NEK10: variants seen among roughly 807,000 people sequenced by gnomAD.
NEK10 encodes NIMA related kinase 10.
A neutral mutation model predicts 159.8 loss-of-function variants in NEK10; 122 were observed. That is an observed-to-expected ratio of 0.76 (90% CI 0.66 to 0.89). The LOEUF (loss-of-function observed/expected upper bound fraction) is 0.89. Among genes scored for constraint, NEK10 ranks in the 40% least tolerant of loss-of-function variants. The probability of loss-of-function intolerance (pLI) is 0.00; values close to 1 mark genes in which losing one functional copy is unlikely to be tolerated. For missense variants in NEK10, 1,342 were observed against 1,323.1 expected (o/e 1.01, Z -0.22); for synonymous variants, 466 against 457.1 (o/e 1.02, Z -0.25).
chr3:27,159,138 T>C (rs1575047107), intron 30 of NEK10, among the ~76,000 whole-genome samples: 1 of 152,266 alleles, frequency 6.6e-6, no homozygotes, highest in East Asian at 1.9e-4. Context: ...CCTTTTACAG[T>C]TTTCTTTCTG....
intron 22 of NEK10, among the ~76,000 whole-genome samples, chr3:27,268,983 G>A (rs1334422258): frequency 6.6e-6 from 1 of 152,168 alleles, no homozygotes; most frequent in Non-Finnish European, 1.5e-5. Flanking sequence ...TGACTTTGAA[G>A]GGTTCAAGAT....
At chr3:27,200,631 T>C (rs1949963489) in intron 25 of NEK10, among the ~76,000 whole-genome samples, 1 of 152,210 alleles carries the variant, frequency 6.6e-6, no homozygotes, top group Non-Finnish European at 1.5e-5. Context: ...AGTTTCCATT[T>C]TGGTGGGGAA....
At chr3:27,316,682 T>C (rs1297822973) in intron 6 of NEK10, among the ~76,000 whole-genome samples, 1 of 152,162 alleles carries the variant, frequency 6.6e-6, no homozygotes, top group Non-Finnish European at 1.5e-5. Context: ...TATTCAATAA[T>C]TTTGATGATA....
At chr3:27,331,237 C>CAAAAAAAAAAAAACA (rs1553638955) in intron 5 of NEK10, among the ~76,000 whole-genome samples, 901 of 29,530 alleles carry the variant, frequency 0.031, 30 homozygotes, top group African/African-American at 0.051. Context: ...GACTCTGTCT[C>CAAAAAAAAAAAAACA]AAAAAAAAAA....
At position 27,128,426 on chromosome 3, in the gene NEK10, G is replaced by A. The variant is rs149435786; in HGVS notation, c.3081+3454C>T. Among the ~76,000 whole-genome samples the A allele has an allele frequency of 3.7e-3, 566 of 152,162 alleles. 1 individual carries two copies. Among genetic ancestry groups the A allele is most frequent in the African/African-American group, 0.013 (531 of 41,514 alleles). ...ATCTAGGTGCTATCATTTAAACAGG[G>A]ACTGCAAAACAGGAATATTCTTTAT... On this transcript the variant is annotated intron_variant, in intron 32 of 35. Coordinates refer to ENST00000691995, the MANE Select transcript of NEK10 (RefSeq NM_001394966.1).
rs190422747 is a variant in NEK10 at position 27,256,901 on chromosome 3, C to A, written c.2015-530G>T. 2.7e-5 allele frequency among the ~76,000 whole-genome samples: 4 copies of A among 145,686 alleles called. No individual in the cohort carries two copies. The Admixed American group carries it at 2.8e-4, about 10-fold the overall frequency. Reference sequence around the variant, plus strand: ...TTTCAAAATATCTTCAGGTACTTCTCTTTTTTCTCTCTTTTTTTTTTTTTT... The same window carrying A: ...TTTCAAAATATCTTCAGGTACTTCTATTTTTTCTCTCTTTTTTTTTTTTTT... On this transcript the variant is annotated intron_variant, in intron 22 of 35. Coordinates refer to ENST00000691995, the MANE Select transcript of NEK10 (RefSeq NM_001394966.1).
chr3:27,223,601 T>C (rs925250098), intron 23 of NEK10, among the ~76,000 whole-genome samples: 4 of 152,026 alleles, frequency 2.6e-5, no homozygotes, highest in Non-Finnish European at 5.9e-5. Context: ...TTTCTTCTAG[T>C]TTTTTTTCTT....
intron 32 of NEK10, among the ~76,000 whole-genome samples, chr3:27,129,715 G>C (rs1942390196): frequency 6.6e-6 from 1 of 151,940 alleles, no homozygotes; most frequent in Non-Finnish European, 1.5e-5. Flanking sequence ...CACATGCCAG[G>C]CACTGTGCAA....
chr3:27,269,348 G>C (rs1222769183), intron 22 of NEK10, among the ~76,000 whole-genome samples: 2 of 152,164 alleles, frequency 1.3e-5, no homozygotes, highest in Non-Finnish European at 1.5e-5. Context: ...TTTGTGAAAA[G>C]AAGAGACAAT....
intron 11 of NEK10, 30 bp from the exon 12 acceptor site, chr3:27,305,001 A>C: frequency 7.7e-7 from 1 of 1,306,452 alleles, no homozygotes; most frequent in Non-Finnish European, 1.1e-6. Flanking sequence ...TGGGGTGAGA[A>C]TCACAGCATC....
chr3:27,364,208 CTT>C (rs2048888242), intron 1 of NEK10, among the ~76,000 whole-genome samples: 1 of 151,822 alleles, frequency 6.6e-6, no homozygotes, highest in African/African-American at 2.4e-5. Flanking sequence ...GAGTTTTGCT[CTT>C]GTCACCCAGG....
chr3:27,344,143 T>C (rs746929734), intron 5 of NEK10, 129 bp downstream of exon 5: 21 of 530,240 alleles, frequency 4.0e-5, no homozygotes, highest in Non-Finnish European at 6.0e-5. Flanking sequence ...TAATGCCTAC[T>C]CATTTGCCTC....
At chr3:27,238,742 C>T (rs1012876115) in intron 23 of NEK10, among the ~76,000 whole-genome samples, 1 of 135,474 alleles carries the variant, frequency 7.4e-6, no homozygotes, top group Middle Eastern at 3.5e-3. Context: ...CCAACCTCCC[C>T]TTTCGTGTGT....
At chr3:27,124,896 A>T (rs1257179545) in intron 32 of NEK10, among the ~76,000 whole-genome samples, 1 of 152,176 alleles carries the variant, frequency 6.6e-6, no homozygotes, top group East Asian at 1.9e-4. Context: ...TCAGTAGTCC[A>T]ATGCAAGTGC....
intron 25 of NEK10, chr3:27,194,105 T>C (rs1949359745): frequency 6.6e-6 from 1 of 151,734 alleles, no homozygotes; most frequent in Admixed American, 6.6e-5. Flanking sequence ...GACTCCCTGC[T>C]TAGGCATTTC....
At position 27,308,827 on chromosome 3, in the gene NEK10, G is replaced by T. The variant is rs908502672; in HGVS notation, c.716+99C>A. 17 of 508,562 alleles carry T rather than the reference G, an allele frequency of 3.3e-5. No homozygotes were observed. In the Admixed American group the frequency reaches 4.4e-4, roughly 13 times the overall value. The allele number at this position is 508,562 out of a possible 1,614,324, so 31.5% of individuals were successfully genotyped here. On this transcript the variant is annotated intron_variant, in intron 10 of 35. Transcript: ENST00000691995. ...TTTCACACTTATTTATCAAGAAATT[G>T]TATTAAGTAGTTGACAAAGTAACTG... is the stretch of plus-strand genomic sequence containing the variant.
intron 23 of NEK10, among the ~76,000 whole-genome samples, chr3:27,208,659 A>C (rs1950740235): frequency 6.6e-6 from 1 of 152,200 alleles, no homozygotes; most frequent in African/African-American, 2.4e-5. Flanking sequence ...GGTTCTGGTG[A>C]CTAAATGGGT....
intron 26 of NEK10, 72 bp from the exon 27 acceptor site, chr3:27,174,905 G>T: frequency 7.9e-7 from 1 of 1,263,684 alleles, no homozygotes; most frequent in South Asian, 1.5e-5. Flanking sequence ...AATCTTGTTA[G>T]AACATATATT....
intron 25 of NEK10, among the ~76,000 whole-genome samples, chr3:27,200,315 T>G (rs1949938857): frequency 6.6e-6 from 1 of 152,120 alleles, no homozygotes; most frequent in Non-Finnish European, 1.5e-5. Flanking sequence ...AGTGCTAGTA[T>G]AGATACCAAC....
Sources: gnomAD v4.1 joint callset for allele counts (sites outside exome capture counted in the v4.1 genomes callset) on GRCh38, gnomAD v4.1.1 for gene constraint, MANE v1.5 for transcripts, NCBI Gene and HGNC (gene_info 2026-07-23, HGNC 2026-07-21) for gene names.